The following TIMM9 variants were observed in gnomAD, a reference collection of about 807,000 sequenced individuals.
TIMM9 encodes the protein mitochondrial import inner membrane translocase subunit Tim9.
Under a neutral mutation model 13.4 loss-of-function variants are expected in TIMM9, and 10 were observed. The ratio of observed to expected loss-of-function variants is 0.75; its 90% CI spans 0.46 to 1.26. The LOEUF (loss-of-function observed/expected upper bound fraction) is 1.26. Among genes scored for constraint, TIMM9 ranks in the 50% most tolerant of loss-of-function variants. The pLI is 0.00. For missense variants in TIMM9, 87 were observed against 100.8 expected (o/e 0.86, Z 0.58); for synonymous variants, 32 against 32.1 (o/e 1.00, Z 0.01).
Position 58,408,617 on chromosome 14 carries a change from T to C in TIMM9, c.*417A>G. 1 of 1,591,152 alleles carries C rather than the reference T, an allele frequency of 6.3e-7. No individual in the cohort carries two copies. The highest frequency in any genetic ancestry group is 8.6e-7 in the Non-Finnish European group (1 of 1,161,270). On this transcript the variant is annotated 3_prime_UTR_variant, in exon 6 of 6. Transcript: ENST00000395159. ...CAACGTATCCACAGTCCAGTGAGAA[T>C]ACTATGGTACCATACAGTATAAACA...
intron 3 of TIMM9, among the ~76,000 whole-genome samples, chr14:58,414,008 GAAAAAAAAAA>G (rs10656955): frequency 0.062 from 1,499 of 24,182 alleles, 22 homozygotes; most frequent in Non-Finnish European, 0.073. Context: ...TTCCGTCTCA[GAAAAAAAAAA>G]AAAAAAAAAA....
Position 58,427,476 on chromosome 14 carries a change from C to T in TIMM9, c.-388G>A, listed in dbSNP as rs1175765520. On this transcript the variant is annotated 5_prime_UTR_variant, in exon 1 of 6. Transcript: ENST00000395159. ...CACAAGTAGTATTACAAGTCGGGAGCTCTTCAAGTCTTGGATGAGACTGTA... is the reference window on the plus strand; with the variant it reads ...CACAAGTAGTATTACAAGTCGGGAGTTCTTCAAGTCTTGGATGAGACTGTA... The T allele has an allele frequency of 6.3e-6, 6 of 945,108 alleles. No individual in the cohort carries two copies. Among genetic ancestry groups the T allele is most frequent in the Non-Finnish European group, 9.5e-6 (6 of 633,990 alleles). 58.5% of individuals were successfully genotyped at this position (945,108 alleles called of 1,614,324 possible).
At chr14:58,414,844 A>G (rs903494047) in intron 3 of TIMM9, among the ~76,000 whole-genome samples, 1 of 152,054 alleles carries the variant, frequency 6.6e-6, no homozygotes, top group African/African-American at 2.4e-5. Flanking sequence ...CCCACTCCCC[A>G]GCGAGTGTCA....
At chr14:58,426,730 T>C (rs1481727387) in intron 2 of TIMM9, among the ~76,000 whole-genome samples, 4 of 152,086 alleles carry the variant, frequency 2.6e-5, no homozygotes, top group Non-Finnish European at 5.9e-5. Flanking sequence ...CGATTTTCAT[T>C]TAAAGGAGGA....
intron 3 of TIMM9, among the ~76,000 whole-genome samples, chr14:58,421,430 T>G (rs2036585638): frequency 6.6e-6 from 1 of 152,302 alleles, no homozygotes; most frequent in Non-Finnish European, 1.5e-5. Context: ...ATCTTGATTG[T>G]ATCAATATTA....
chr14:58,409,757 T>C (rs1445902664), intron 5 of TIMM9, among the ~76,000 whole-genome samples: 1 of 151,060 alleles, frequency 6.6e-6, no homozygotes, highest in East Asian at 2.0e-4. Flanking sequence ...TTTTTGTATT[T>C]TTAGTAGAGA....
chr14:58,426,128 C>T (rs930826033), intron 2 of TIMM9, among the ~76,000 whole-genome samples: 61 of 151,678 alleles, frequency 4.0e-4, no homozygotes, highest in Admixed American at 4.6e-4. Context: ...AAAAACAACA[C>T]AAAACTCATT....
intron 3 of TIMM9, among the ~76,000 whole-genome samples, chr14:58,415,795 A>C (rs1454128782): frequency 2.0e-5 from 3 of 152,192 alleles, no homozygotes; most frequent in Non-Finnish European, 4.4e-5. Flanking sequence ...TAGTGGAAGA[A>C]ATAATGGCTG....
In TIMM9 at chr14:58,427,004, C is replaced by T. The variant is rs1056193015; in HGVS notation, c.-115+50G>A. 2.0e-5 allele frequency: 3 copies of T among 153,300 alleles called. No homozygotes were observed. The Admixed American group carries it at 2.0e-4, about 10-fold the overall frequency. 9.5% of individuals were successfully genotyped at this position (153,300 alleles called of 1,614,324 possible). ...CACTTTCCTGGAGCGTAGCCTGCCA[C>T]CCCCCGTCCGGGAACCCCGGATTCT... is the stretch of plus-strand genomic sequence containing the variant. On this transcript the variant is annotated intron_variant, in intron 2 of 5. Coordinates refer to ENST00000395159, the MANE Select transcript of TIMM9 (RefSeq NM_012460.4).
chr14:58,415,059 C>T (rs1446715632), intron 3 of TIMM9, among the ~76,000 whole-genome samples: 1 of 152,180 alleles, frequency 6.6e-6, no homozygotes. Flanking sequence ...TAGTCCTTCC[C>T]AGCCAGGGAG....
chr14:58,427,354 AC>A, intron 1 of TIMM9, 37 bp downstream of exon 1: 1 of 423,480 alleles, frequency 2.4e-6, no homozygotes, highest in South Asian at 3.2e-5. Context: ...TCCAATAATG[AC>A]CCGAATCTGT....
At chr14:58,422,776 A>G (rs936082820) in intron 3 of TIMM9, among the ~76,000 whole-genome samples, 7 of 152,020 alleles carry the variant, frequency 4.6e-5, no homozygotes, top group Non-Finnish European at 8.8e-5. Flanking sequence ...TCAATTGTGT[A>G]TTTTATTTAT....
At chr14:58,413,206 TG>T (rs549584848) in intron 3 of TIMM9, among the ~76,000 whole-genome samples, 50 of 152,290 alleles carry the variant, frequency 3.3e-4, no homozygotes, top group Non-Finnish European at 5.9e-5. Flanking sequence ...CAGAAATACT[TG>T]GCCTATATTT....
chr14:58,421,355 G>A (rs1359286505), intron 3 of TIMM9, among the ~76,000 whole-genome samples: 1 of 152,204 alleles, frequency 6.6e-6, no homozygotes, highest in East Asian at 1.9e-4. Flanking sequence ...GAGGGAAGGA[G>A]TAGGAAGAAA....
At chr14:58,418,798 AAGACCTAAACACAC>A (rs1183421720) in intron 3 of TIMM9, among the ~76,000 whole-genome samples, 1 of 152,172 alleles carries the variant, frequency 6.6e-6, no homozygotes, top group African/African-American at 2.4e-5. Context: ...AAAGAAGGCA[AAGACCTAAACACAC>A]AGAGAGACAT....
At position 58,418,361 on chromosome 14, in the gene TIMM9, A is replaced by G. The variant is rs561451709; in HGVS notation, c.-27+5647T>C. On this transcript the variant is annotated intron_variant, in intron 3 of 5. Coordinates refer to ENST00000395159, the MANE Select transcript of TIMM9 (RefSeq NM_012460.4). ...AAAACCTACAGCCTACACTATACTT[A>G]ATGGCAAAAGATAATACTTTCCCAT... Among the ~76,000 whole-genome samples the G allele has an allele frequency of 2.4e-4, 36 of 152,356 alleles. 1 individual carries two copies. In the East Asian group the frequency reaches 5.4e-3, roughly 23 times the overall value.
At chr14:58,410,792 T>C (rs1566746445) in intron 5 of TIMM9, 51 bp downstream of exon 5, 1 of 1,266,724 alleles carries the variant, frequency 7.9e-7, no homozygotes, top group South Asian at 1.3e-5. Flanking sequence ...GGATCCTACT[T>C]AGAGTGTTTA....
intron 5 of TIMM9, 123 bp from the exon 6 acceptor site, chr14:58,409,291 G>C (rs2036132273): frequency 1.9e-6 from 2 of 1,076,390 alleles, no homozygotes; most frequent in East Asian, 2.7e-5. Flanking sequence ...GAATTAAATA[G>C]TACTAATTGG....
chr14:58,420,386 G>C (rs530844897), intron 3 of TIMM9, among the ~76,000 whole-genome samples: 71 of 152,002 alleles, frequency 4.7e-4, no homozygotes, highest in African/African-American at 1.6e-3. Context: ...AATCCAATTA[G>C]AAAACAAGCA....
Sources: gnomAD v4.1 joint callset for allele counts (sites outside exome capture counted in the v4.1 genomes callset) on GRCh38, gnomAD v4.1.1 for gene constraint, MANE v1.5 for transcripts, NCBI Gene and HGNC (gene_info 2026-07-23, HGNC 2026-07-21) for gene names.